The following BTBD8 variants were observed in gnomAD, a reference collection of about 807,000 sequenced individuals.
BTBD8 encodes BTB domain containing 8.
Under a neutral mutation model 162.9 loss-of-function variants are expected in BTBD8, and 110 were observed. The ratio of observed to expected loss-of-function variants is 0.68; its 90% CI spans 0.58 to 0.79. The LOEUF (loss-of-function observed/expected upper bound fraction) is 0.79. BTBD8 is among the 30% of genes least tolerant of loss of function. The pLI is 0.00. For missense variants in BTBD8, 1,905 were observed against 2,085.4 expected, an observed-to-expected ratio of 0.91 and a Z score of 1.68; for synonymous variants, 667 against 716.1, an observed-to-expected ratio of 0.93 and a Z score of 1.10.
intron 1 of BTBD8, among the ~76,000 whole-genome samples, chr1:92,087,769 G>T (rs1648199250): frequency 6.6e-6 from 1 of 152,146 alleles, no homozygotes; most frequent in Admixed American, 6.6e-5. Flanking sequence ...TCACTGTAAT[G>T]GGTATCTTTA....
At chr1:92,111,531 A>C (rs922272692) in intron 4 of BTBD8, among the ~76,000 whole-genome samples, 5 of 152,180 alleles carry the variant, frequency 3.3e-5, no homozygotes, top group South Asian at 2.1e-4. Context: ...TTAGTAATTG[A>C]GAAGTTGGTC....
At chr1:92,160,692 C>A (rs756478237) in intron 9 of BTBD8, among the ~76,000 whole-genome samples, 1 of 151,928 alleles carries the variant, frequency 6.6e-6, no homozygotes, top group Non-Finnish European at 1.5e-5. Context: ...AAGTAGAAGG[C>A]GGGATTTGGG....
chr1:92,126,337 C>A, intron 4 of BTBD8: 1 of 600,400 alleles, frequency 1.7e-6, no homozygotes, highest in South Asian at 1.4e-5. Flanking sequence ...CCTGCTGCCA[C>A]AGTGGTTGTA....
chr1:92,083,590 G>A (rs1434813961), intron 1 of BTBD8, among the ~76,000 whole-genome samples: 2 of 152,170 alleles, frequency 1.3e-5, no homozygotes, highest in Non-Finnish European at 2.9e-5. Context: ...GTAGGTAAGG[G>A]TGAATGGGTA....
At chr1:92,127,927 G>T (rs1483512934) in intron 4 of BTBD8, among the ~76,000 whole-genome samples, 2 of 152,104 alleles carry the variant, frequency 1.3e-5, no homozygotes, top group Non-Finnish European at 2.9e-5. Context: ...TGGGTTGTGG[G>T]TAGGGTATGG....
intron 7 of BTBD8, among the ~76,000 whole-genome samples, chr1:92,143,322 A>G: frequency 6.6e-6 from 1 of 151,772 alleles, no homozygotes; most frequent in East Asian, 1.9e-4. Context: ...TTTTTTTTTA[A>G]TATGTGGATG....
In BTBD8 at chr1:92,177,541, C is replaced by T; in HGVS notation, c.2348C>T (p.Thr783Ile). The T allele has an allele frequency of 6.5e-7, 1 of 1,527,062 alleles. No individual in the cohort carries two copies. The highest frequency in any genetic ancestry group is 8.8e-7 in the Non-Finnish European group (1 of 1,134,692). 94.6% of individuals were successfully genotyped at this position (1,527,062 alleles called of 1,614,324 possible). The change falls in exon 14 of 18, where the codon ACT (threonine) becomes ATT (isoleucine). Residue 783 changes from threonine to isoleucine, a missense_variant. By Grantham distance (89) the Thr-to-Ile change is moderately conservative. Transcript: ENST00000636805. The part of the protein sequence containing the change: ...KNSVDSVKNS[T>I]VAIKSRPVSR... ...AGTGTAGATAGTGTCAAAAATTCCACTGTAGGTGGGTTTTAGCACTGTAAT... is the reference window on the plus strand; with the variant it reads ...AGTGTAGATAGTGTCAAAAATTCCATTGTAGGTGGGTTTTAGCACTGTAAT...
rs1279759318 is a variant in BTBD8 at position 92,177,720 on chromosome 1, A to G, written c.2354-91A>G. On this transcript the variant is annotated intron_variant, in intron 14 of 17. Transcript: ENST00000636805. ...GTAGTCCTTCCCACTTTAATATTTC[A>G]TTTTGTTTATAGTGTCTAACCAGTA... 16 of 887,316 alleles carry G rather than the reference A, an allele frequency of 1.8e-5. No individual in the cohort carries two copies. The East Asian group carries it at 3.7e-4, about 20-fold the overall frequency. 55.0% of individuals were successfully genotyped at this position (887,316 alleles called of 1,614,324 possible). A position where few individuals can be genotyped will look rare whatever the true frequency, so the allele number is the denominator to read the frequency against.
chr1:92,137,760 A>G (rs1649667898), intron 5 of BTBD8, among the ~76,000 whole-genome samples: 1 of 152,160 alleles, frequency 6.6e-6, no homozygotes, highest in South Asian at 2.1e-4. Flanking sequence ...GTAATGAGAA[A>G]TCTTGGGACT....
chr1:92,161,562 A>G (rs1308299405), intron 9 of BTBD8, among the ~76,000 whole-genome samples: 1 of 152,238 alleles, frequency 6.6e-6, no homozygotes, highest in East Asian at 1.9e-4. Context: ...AACATAGGAT[A>G]GTATTAGATA....
chr1:92,141,005 T>C, intron 6 of BTBD8, 110 bp from the exon 7 acceptor site: 1 of 1,116,778 alleles, frequency 9.0e-7, no homozygotes. Flanking sequence ...AATTAAAATA[T>C]TTCAGATTAT....
chr1:92,134,662 CT>C lies in BTBD8; in HGVS notation c.753-4683del, dbSNP rs1214072413. Among the ~76,000 whole-genome samples, 3 of 152,170 alleles carry C rather than the reference CT, an allele frequency of 2.0e-5. No homozygotes were observed. In the East Asian group the frequency reaches 5.8e-4, roughly 29 times the overall value. ...ATGGCACTTTGACTATCAAAATTAT[CT>C]TTTTAATATTGCCCATGTCCTTCCA... is the stretch of plus-strand genomic sequence containing the variant. On this transcript the variant is annotated intron_variant, in intron 5 of 17. Coordinates refer to ENST00000636805, the MANE Select transcript of BTBD8 (RefSeq NM_001376131.1).
At position 92,124,886 on chromosome 1, in the gene BTBD8, C is replaced by T. The variant is rs1031886557; in HGVS notation, c.663-4801C>T. ...TATGGTGAGTTTTGAACTAGAACTC[C>T]GGACCTTTAGAATTGTAAGCTCTTT... On this transcript the variant is annotated intron_variant, in intron 4 of 17. Transcript: ENST00000636805. Among the ~76,000 whole-genome samples, 19 of 151,928 alleles carry T rather than the reference C, an allele frequency of 1.3e-4. No homozygotes were observed. The East Asian group carries it at 2.5e-3, about 20-fold the overall frequency.
intron 13 of BTBD8, 73 bp from the exon 14 acceptor site, chr1:92,176,756 C>A: frequency 1.3e-6 from 1 of 744,042 alleles, no homozygotes; most frequent in Non-Finnish European, 2.0e-6. Flanking sequence ...GAAAGACTGG[C>A]TTTTGGAAAC....
At chr1:92,164,313 T>G (rs1650334091) in intron 9 of BTBD8, among the ~76,000 whole-genome samples, 1 of 151,942 alleles carries the variant, frequency 6.6e-6, no homozygotes. Context: ...ATGGCAAGAC[T>G]CCATCCCTAC....
chr1:92,181,065 G>C lies in BTBD8; in HGVS notation c.3382G>C (p.Val1128Leu). Residue 1128 changes from valine (V) to leucine (L), a missense_variant, in exon 17 of 18, where the codon GTA (valine) becomes CTA (leucine). Val to Leu is a conservative substitution (Grantham distance 32). Coordinates refer to ENST00000636805, the MANE Select transcript of BTBD8 (RefSeq NM_001376131.1). ...IHLISDRENQ[V>L]GRKDTNKQSS... ...TTTGATATCAGATAGGGAGAACCAA[G>C]TAGGGAGAAAAGATACAAACAAACA... is the stretch of plus-strand genomic sequence containing the variant. The C allele has an allele frequency of 6.4e-7, 1 of 1,551,734 alleles. No individual in the cohort carries two copies. The highest frequency in any genetic ancestry group is 1.4e-5 in the African/African-American group (1 of 73,182).
At chr1:92,083,349 A>G (rs995819822) in intron 1 of BTBD8, among the ~76,000 whole-genome samples, 2 of 152,108 alleles carry the variant, frequency 1.3e-5, no homozygotes, top group Non-Finnish European at 2.9e-5. Flanking sequence ...TTGCTTAAGA[A>G]TGCTCTTCAG....
In BTBD8 at chr1:92,168,870, T is replaced by G. The variant is rs959958597; in HGVS notation, c.1448T>G (p.Phe483Cys). ...LNSDSTKEMG[F>C]TCKIQALRDK... ...TGATTTGTTGCTTGAACACAGGGTT[T>G]TACGTGCAAGATCCAGGCTCTGCGT... Residue 483 changes from phenylalanine (F) to cysteine (C), a missense_variant, in exon 12 of 18, where the codon TTT (phenylalanine) becomes TGT (cysteine). By Grantham distance (205) the Phe-to-Cys change is radical (BLOSUM62 -2). Transcript: ENST00000636805. The G allele has an allele frequency of 2.3e-5, 35 of 1,516,946 alleles. No homozygotes were observed. The highest frequency in any genetic ancestry group is 3.4e-4 in the Middle Eastern group (2 of 5,854). 94.0% of individuals were successfully genotyped at this position (1,516,946 alleles called of 1,614,324 possible).
intron 5 of BTBD8, among the ~76,000 whole-genome samples, chr1:92,134,578 A>G (rs184548091): frequency 2.6e-5 from 4 of 152,322 alleles, no homozygotes; most frequent in African/African-American, 9.6e-5. Context: ...GTCACCTAAT[A>G]TAGCTACAGA....
Sources: gnomAD v4.1 joint callset for allele counts (sites outside exome capture counted in the v4.1 genomes callset) on GRCh38, gnomAD v4.1.1 for gene constraint, MANE v1.5 for transcripts, NCBI Gene and HGNC (gene_info 2026-07-23, HGNC 2026-07-21) for gene names.